KHDRBS2: variants seen among roughly 807,000 people sequenced by gnomAD.
KHDRBS2 encodes KH domain-containing, RNA-binding, signal transduction-associated protein 2.
A neutral mutation model predicts 44.3 loss-of-function variants in KHDRBS2; 26 were observed. The observed-to-expected ratio is 0.59, with a 90% confidence interval of 0.43 to 0.81. The LOEUF (loss-of-function observed/expected upper bound fraction) is 0.81, where lower values mean the gene tolerates loss of function less well. Ranked by LOEUF, KHDRBS2 falls within the 40% of genes least tolerant of loss-of-function variation. The pLI is 0.00. For missense variants in KHDRBS2, 476 were observed against 433.1 expected (o/e 1.10, Z -0.88); for synonymous variants, 194 against 151.1 (o/e 1.28, Z -2.08).
chr6:61,815,833 C>A (rs910012817), intron 6 of KHDRBS2, among the ~76,000 whole-genome samples: 2 of 152,068 alleles, frequency 1.3e-5, no homozygotes, highest in Non-Finnish European at 2.9e-5. Context: ...ACCATAATAC[C>A]ATATGTTGAT....
chr6:62,204,674 A>T (rs1463076601), intron 1 of KHDRBS2, among the ~76,000 whole-genome samples: 5 of 152,184 alleles, frequency 3.3e-5, no homozygotes, highest in Middle Eastern at 3.4e-3. Context: ...TTAGGAGAAA[A>T]GGTATTGACT....
the KHDRBS2 span, among the ~76,000 whole-genome samples, chr6:61,626,863 C>A: frequency 6.6e-6 from 1 of 152,024 alleles, no homozygotes; most frequent in Non-Finnish European, 1.5e-5. Flanking sequence ...TCATTTCTCT[C>A]TCTCTTCAGT....
chr6:62,143,756 T>C (rs976310744), intron 2 of KHDRBS2, among the ~76,000 whole-genome samples: 1 of 151,888 alleles, frequency 6.6e-6, no homozygotes, highest in Non-Finnish European at 1.5e-5. Flanking sequence ...AGAGTCTGAG[T>C]AGTGCAGAGT....
rs548096142 is a variant in KHDRBS2, at chr6:61,943,046, G to A, written c.483+35020C>T. On this transcript the variant is annotated intron_variant, in intron 4 of 8. Coordinates refer to ENST00000281156, the MANE Select transcript of KHDRBS2 (RefSeq NM_152688.4). ...AGGAAGGAAGGAAGGAAAGAAGGAA[G>A]GGAGGGAAAGGAAGGAAGGAAGGAA... Among the ~76,000 whole-genome samples, 40 of 138,350 alleles carry A rather than the reference G, an allele frequency of 2.9e-4. 1 individual carries two copies. The highest frequency in any genetic ancestry group is 8.1e-3 in the Middle Eastern group (2 of 248). 90.8% of individuals were successfully genotyped at this position (138,350 alleles called of 152,430 possible). A position where few individuals can be genotyped will look rare whatever the true frequency, so the allele number is the denominator to read the frequency against.
At chr6:61,848,561 ATG>A (rs1302216472) in intron 6 of KHDRBS2, among the ~76,000 whole-genome samples, 1,614 of 37,694 alleles carry the variant, frequency 0.043, 127 homozygotes, top group Non-Finnish European at 0.05. Flanking sequence ...ACATATATAT[ATG>A]TATATATATA....
At chr6:61,955,856 C>G (rs1767113531) in intron 4 of KHDRBS2, among the ~76,000 whole-genome samples, 1 of 152,044 alleles carries the variant, frequency 6.6e-6, no homozygotes. Context: ...CTATAATTAT[C>G]TCATTTTCTT....
At chr6:62,006,643 A>G (rs1019207043) in intron 3 of KHDRBS2, among the ~76,000 whole-genome samples, 5 of 152,074 alleles carry the variant, frequency 3.3e-5, no homozygotes, top group African/African-American at 1.2e-4. Flanking sequence ...TGGGTGAAAT[A>G]AAAATACTGA....
chr6:61,639,610 T>C, the KHDRBS2 span, among the ~76,000 whole-genome samples: 3,714 of 152,142 alleles, frequency 0.024, 68 homozygotes, highest in Middle Eastern at 0.088. Context: ...TAAGTTCTGC[T>C]GTCATGTTGT....
intron 2 of KHDRBS2, among the ~76,000 whole-genome samples, chr6:62,136,999 T>C (rs950922915): frequency 3.0e-5 from 4 of 133,134 alleles, no homozygotes; most frequent in African/African-American, 8.6e-5. Flanking sequence ...TTTTCTTTTT[T>C]TTTTTTTTTT....
chr6:62,080,890 G>A (rs1415976666), intron 2 of KHDRBS2, among the ~76,000 whole-genome samples: 1 of 152,052 alleles, frequency 6.6e-6, no homozygotes, highest in African/African-American at 2.4e-5. Context: ...TATTATTAGA[G>A]TATACAGCTC....
chr6:61,765,322 G>A (rs552850856), intron 6 of KHDRBS2, among the ~76,000 whole-genome samples: 14 of 152,218 alleles, frequency 9.2e-5, no homozygotes, highest in African/African-American at 2.6e-4. Flanking sequence ...ATATGGTGAC[G>A]TATACCTCTA....
At chr6:61,947,754 T>A (rs2127381255) in intron 4 of KHDRBS2, among the ~76,000 whole-genome samples, 1 of 152,110 alleles carries the variant, frequency 6.6e-6, no homozygotes, top group African/African-American at 2.4e-5. Flanking sequence ...GCTTCATATT[T>A]ATATGCATGA....
chr6:61,886,259 C>T (rs1221252086), intron 6 of KHDRBS2, among the ~76,000 whole-genome samples: 1 of 152,078 alleles, frequency 6.6e-6, no homozygotes, highest in Non-Finnish European at 1.5e-5. Context: ...CTTTTCTCTC[C>T]ATTATTTCCC....
At chr6:61,635,737 C>G in the KHDRBS2 span, among the ~76,000 whole-genome samples, 3 of 152,012 alleles carry the variant, frequency 2.0e-5, no homozygotes, top group Non-Finnish European at 4.4e-5. Flanking sequence ...AGGTTCCCAT[C>G]ACACAAACAA....
intron 6 of KHDRBS2, among the ~76,000 whole-genome samples, chr6:61,879,989 T>C (rs1799979167): frequency 6.6e-6 from 1 of 151,858 alleles, no homozygotes; most frequent in Admixed American, 6.6e-5. Context: ...GGAAAATAAA[T>C]CTGATTTAAT....
intron 3 of KHDRBS2, among the ~76,000 whole-genome samples, chr6:62,018,574 T>C (rs904624103): frequency 1.3e-5 from 2 of 151,946 alleles, no homozygotes; most frequent in Non-Finnish European, 2.9e-5. Flanking sequence ...CTCGATATCC[T>C]GACCTCGTGA....
At chr6:61,785,321 A>T (rs1239131498) in intron 6 of KHDRBS2, among the ~76,000 whole-genome samples, 1 of 152,124 alleles carries the variant, frequency 6.6e-6, no homozygotes, top group South Asian at 2.1e-4. Context: ...ATGGCCAATA[A>T]CCATTATTAT....
At chr6:62,134,570 C>T (rs1811077835) in intron 2 of KHDRBS2, among the ~76,000 whole-genome samples, 1 of 152,034 alleles carries the variant, frequency 6.6e-6, no homozygotes, top group African/African-American at 2.4e-5. Context: ...TCCAACAGAC[C>T]CTAGAATGGT....
At chr6:61,950,463 G>T (rs1764516062) in intron 4 of KHDRBS2, among the ~76,000 whole-genome samples, 1 of 151,806 alleles carries the variant, frequency 6.6e-6, no homozygotes, top group Non-Finnish European at 1.5e-5. Flanking sequence ...TTTTCATATA[G>T]ATAGAGCTTC....
Sources: allele counts gnomAD v4.1 joint callset (sites outside exome capture counted in the v4.1 genomes callset), GRCh38; gene constraint gnomAD v4.1.1; transcripts MANE v1.5; gene names NCBI Gene and HGNC (gene_info 2026-07-23, HGNC 2026-07-21).